FOXO4: variants seen among roughly 807,000 people sequenced by gnomAD.
The protein encoded by FOXO4 is forkhead box O4, also known as forkhead box protein O4.
FOXO4 carries 3 observed loss-of-function variants against 20.8 expected under a neutral mutation model. The ratio of observed to expected loss-of-function variants is 0.14; its 90% CI spans 0.07 to 0.37. The LOEUF (loss-of-function observed/expected upper bound fraction) is 0.37. Ranked by LOEUF, FOXO4 falls within the 10% of genes least tolerant of loss-of-function variation. FOXO4 has a pLI of 1.00. For missense variants in FOXO4, 309 were observed against 431.9 expected (o/e 0.72, Z 2.52); for synonymous variants, 158 against 180.0 (o/e 0.88, Z 0.98).
intron 1 of FOXO4, among the ~76,000 whole-genome samples, chrX:71,100,187 C>T (rs1230768773): frequency 9.3e-6 from 1 of 107,762 alleles, no homozygotes; most frequent in Non-Finnish European, 1.9e-5. Flanking sequence ...CCCCCACCCC[C>T]CGCAAAACAC....
intron 1 of FOXO4, among the ~76,000 whole-genome samples, chrX:71,098,359 A>T (rs2092222879): frequency 8.9e-6 from 1 of 112,131 alleles, no homozygotes; most frequent in Non-Finnish European, 1.9e-5. Context: ...CATATTCTCT[A>T]AAAAGAGCCT....
At position 71,096,564 on chromosome X, in the gene FOXO4, T is replaced by C. The variant is rs1331461589; in HGVS notation, c.36T>C (p.Ala12=). 1.7e-6 allele frequency: 2 copies of C among 1,208,108 alleles called. No individual in the cohort carries two copies. Among genetic ancestry groups the C allele is most frequent in the Non-Finnish European group, 2.2e-6 (2 of 894,110 alleles). The change falls in exon 1 of 3, where the codon GCT becomes GCC. Residue 12 remains alanine (A), a synonymous_variant. Transcript: ENST00000374259. ...GGAATGAGAATTCAGCCACAGAGGC[T>C]GCCGCGATCATAGACCTAGATCCCG... ...DPGNENSATE[A]AAIIDLDPDF...
rs1773399228 is a variant in FOXO4 at position 71,100,851 on chromosome X, C to T, written c.621C>T (p.Gly207=). The T allele has an allele frequency of 8.3e-7, 1 of 1,210,978 alleles. No individual in the cohort carries two copies. The highest frequency in any genetic ancestry group is 1.8e-5 in the South Asian group (1 of 56,831). Residue 207 remains glycine, a synonymous_variant, in exon 2 of 3, where the codon GGC becomes GGT. Transcript: ENST00000374259. ...ATAGCAGCAGCAAGCTGCTCCGGGG[C>T]CGCAGTAAAGCCCCCAAGAAGAAAC... ...SMDSSSKLLR[G]RSKAPKKKPS...
chrX:71,096,478 G>A lies in FOXO4; in HGVS notation c.-51G>A, dbSNP rs758008856. 2.4e-5 allele frequency: 26 copies of A among 1,078,334 alleles called. No individual in the cohort carries two copies. The highest frequency in any genetic ancestry group is 3.2e-5 in the Non-Finnish European group (25 of 790,074). The allele number at this position is 1,078,334 out of a possible 1,213,427, so 88.9% of individuals were successfully genotyped here. ...CCCCCTGAGGGGAGGCATCGTGAGG[G>A]ACTGTGGCAGGCTTCACTGAACGCT... On this transcript the variant is annotated 5_prime_UTR_variant, in exon 1 of 3. Coordinates refer to ENST00000374259, the MANE Select transcript of FOXO4 (RefSeq NM_005938.4).
chrX:71,098,744 G>A (rs1313528498), intron 1 of FOXO4, among the ~76,000 whole-genome samples: 2 of 111,349 alleles, frequency 1.8e-5, no homozygotes, highest in Non-Finnish European at 3.8e-5. Context: ...TTCTCAAGTA[G>A]ATCCAGAATT....
rs751220339 is a variant in FOXO4 at position 71,096,846 on chromosome X, T to C, written c.318T>C (p.Tyr106=). Residue 106 remains tyrosine, a synonymous_variant, in exon 1 of 3, where the codon TAT becomes TAC. Transcript: ENST00000374259. ...GGAATGCCTGGGGAAATCAGTCATA[T>C]GCAGAACTCATCAGCCAGGCCATTG... ...SRRNAWGNQS[Y]AELISQAIES... is the part of the protein sequence containing the mutation. 7 of 1,205,447 alleles carry C rather than the reference T, an allele frequency of 5.8e-6. No individual in the cohort carries two copies. The African/African-American group carries it at 7.0e-5, about 12-fold the overall frequency.
intron 1 of FOXO4, among the ~76,000 whole-genome samples, chrX:71,098,670 A>G (rs1386051765): frequency 3.6e-5 from 4 of 112,278 alleles, no homozygotes; most frequent in African/African-American, 6.5e-5. Context: ...GCTAGTTCCA[A>G]GGCCTAAAGA....
At position 71,103,403 on chromosome X, in the gene FOXO4, A is replaced by C. The variant is rs184012791; in HGVS notation, c.*1319A>C. 2.2e-3 allele frequency: 343 copies of C among 154,762 alleles called. 2 individuals are homozygous for C. Among genetic ancestry groups the C allele is most frequent in the East Asian group, 0.02 (215 of 10,782 alleles). 12.8% of individuals were successfully genotyped at this position (154,762 alleles called of 1,213,427 possible). A position where few individuals can be genotyped will look rare whatever the true frequency, so the allele number is the denominator to read the frequency against. On this transcript the variant is annotated 3_prime_UTR_variant, in exon 3 of 3. Coordinates refer to ENST00000374259, the MANE Select transcript of FOXO4 (RefSeq NM_005938.4). ...TGCCCTTTGCATCGTCCCCTCCCCCACCCCTGCTGTGGGTTCCCATCATTT... is the reference window on the plus strand; with the variant it reads ...TGCCCTTTGCATCGTCCCCTCCCCCCCCCCTGCTGTGGGTTCCCATCATTT...
At chrX:71,099,730 C>T (rs375331624) in intron 1 of FOXO4, among the ~76,000 whole-genome samples, 5 of 111,700 alleles carry the variant, frequency 4.5e-5, no homozygotes, top group African/African-American at 1.3e-4. Context: ...TTGGTCTTGA[C>T]GGAACTAGTA....
Position 71,100,667 on chromosome X carries a change from C to T in FOXO4, c.454-17C>T, listed in dbSNP as rs763678202. On this transcript the variant is annotated splice_polypyrimidine_tract_variant and intron_variant, in intron 1 of 2. Coordinates refer to ENST00000374259, the MANE Select transcript of FOXO4 (RefSeq NM_005938.4). ...ACAGTACCTCACGCCCCTTTCCTGCCATCTCTGCCCCTCCAGAACTCGATC... is the reference window on the plus strand; with the variant it reads ...ACAGTACCTCACGCCCCTTTCCTGCTATCTCTGCCCCTCCAGAACTCGATC... 8.6e-7 allele frequency: 1 copy of T among 1,162,695 alleles called. No homozygotes were observed. The highest frequency in any genetic ancestry group is 2.4e-5 in the Admixed American group (1 of 41,187).
chrX:71,096,476 G>T lies in FOXO4; in HGVS notation c.-53G>T, dbSNP rs1318720988. 2 of 1,076,654 alleles carry T rather than the reference G, an allele frequency of 1.9e-6. No individual in the cohort carries two copies. Among genetic ancestry groups the T allele is most frequent in the African/African-American group, 1.8e-5 (1 of 55,132 alleles). The allele number at this position is 1,076,654 out of a possible 1,213,427, so 88.7% of individuals were successfully genotyped here. ...TCCCCCCTGAGGGGAGGCATCGTGA[G>T]GGACTGTGGCAGGCTTCACTGAACG... is the stretch of plus-strand genomic sequence containing the variant. On this transcript the variant is annotated 5_prime_UTR_variant, in exon 1 of 3. It adds an upstream start codon to the 5' untranslated region. Coordinates refer to ENST00000374259, the MANE Select transcript of FOXO4 (RefSeq NM_005938.4).
In FOXO4 at chrX:71,103,139, C is replaced by T; in HGVS notation, c.*1055C>T. 2 of 176,389 alleles carry T rather than the reference C, an allele frequency of 1.1e-5. No individual in the cohort carries two copies. The highest frequency in any genetic ancestry group is 2.2e-5 in the Non-Finnish European group (2 of 91,128). The allele number at this position is 176,389 out of a possible 1,213,427, so 14.5% of individuals were successfully genotyped here. ...TACAGAGACCTCCCTGTTCAAGGCC[C>T]CTGACAGCTGTCCCTGCCCTTCTTC... On this transcript the variant is annotated 3_prime_UTR_variant, in exon 3 of 3. Transcript: ENST00000374259.
chrX:71,097,541 C>T (rs1022188040), intron 1 of FOXO4, among the ~76,000 whole-genome samples: 1 of 111,613 alleles, frequency 9.0e-6, no homozygotes, highest in Non-Finnish European at 1.9e-5. Context: ...TAGCTGATCT[C>T]ATGCACTAAG....
chrX:71,100,538 G>GC (rs1484571671), intron 1 of FOXO4, 146 bp from the exon 2 acceptor site: 2 of 349,509 alleles, frequency 5.7e-6, no homozygotes, highest in Non-Finnish European at 1.0e-5. Context: ...GGGAAATGAA[G>GC]CCCCGAAATG....
chrX:71,101,552 C>A lies in FOXO4; in HGVS notation c.1322C>A (p.Ala441Glu). Residue 441 changes from alanine to glutamate, a missense_variant, in exon 2 of 3, where the codon GCA becomes GAA. Ala to Glu is a moderately radical substitution (Grantham distance 107). Transcript: ENST00000374259. ...LSMIAPPPVM[A>E]SAPIPKALGT... ...ATGATAGCACCACCTCCAGTCATGGCAAGTGCCCCCATCCCCAAGGCTCTG... is the reference window on the plus strand; with the variant it reads ...ATGATAGCACCACCTCCAGTCATGGAAAGTGCCCCCATCCCCAAGGCTCTG... The A allele has an allele frequency of 1.7e-6, 2 of 1,211,675 alleles. No homozygotes were observed. Among genetic ancestry groups the A allele is most frequent in the Non-Finnish European group, 2.2e-6 (2 of 895,411 alleles).
At chrX:71,100,619 A>C (rs2092228237) in intron 1 of FOXO4, 65 bp from the exon 2 acceptor site, 6 of 886,328 alleles carry the variant, frequency 6.8e-6, no homozygotes, top group Non-Finnish European at 9.3e-6. Flanking sequence ...CTTAGACTTG[A>C]CCGCTGGCCA....
Position 71,102,902 on chromosome X carries a change from T to C in FOXO4, c.*818T>C. On this transcript the variant is annotated 3_prime_UTR_variant, in exon 3 of 3. Transcript: ENST00000374259. The stretch of plus-strand genomic sequence containing the variant: ...ATGCAGAAATAGGTTAGAGTTTCCC[T>C]AACAAAAAAGCTAACCCAGGTCCCC... 1.2e-5 allele frequency: 2 copies of C among 172,713 alleles called. No individual in the cohort carries two copies. Among genetic ancestry groups the C allele is most frequent in the Non-Finnish European group, 2.2e-5 (2 of 89,914 alleles). The allele number at this position is 172,713 out of a possible 1,213,427, so 14.2% of individuals were successfully genotyped here.
rs897762194 is a variant in FOXO4 at position 71,103,038 on chromosome X, A to G, written c.*954A>G. On this transcript the variant is annotated 3_prime_UTR_variant, in exon 3 of 3. Transcript: ENST00000374259. ...TGGGAGAGTACATTGAAGGCCTGGA[A>G]TTAGCTTGGGGCCAGGGAAGGGACT... 5.7e-6 allele frequency: 1 copy of G among 175,349 alleles called. No homozygotes were observed. The allele number at this position is 175,349 out of a possible 1,213,427, so 14.5% of individuals were successfully genotyped here.
At chrX:71,097,494 G>A (rs996098635) in intron 1 of FOXO4, among the ~76,000 whole-genome samples, 11 of 110,785 alleles carry the variant, frequency 9.9e-5, no homozygotes, top group Admixed American at 1.9e-4. Flanking sequence ...GGAGTGCAGT[G>A]GCAAAGGGTA....
Sources: allele counts gnomAD v4.1 joint callset (sites outside exome capture counted in the v4.1 genomes callset), GRCh38; gene constraint gnomAD v4.1.1; transcripts MANE v1.5; gene names NCBI Gene and HGNC (gene_info 2026-07-23, HGNC 2026-07-21).